Variants in TMEM131 observed in about 807,000 individuals in gnomAD.
The protein encoded by TMEM131 is 2610524E03Rik.
Under a neutral mutation model 211.6 loss-of-function variants are expected in TMEM131, and 66 were observed. That is an observed-to-expected ratio of 0.31 (90% confidence interval 0.26 to 0.38). The LOEUF (loss-of-function observed/expected upper bound fraction) is 0.38. TMEM131 is among the 10% of genes least tolerant of loss of function. TMEM131 has a pLI of 1.00. For synonymous variants in TMEM131, 844 were observed against 841.3 expected, an observed-to-expected ratio of 1.00 and a Z score of -0.06; for missense variants, 2,036 against 2,299.3, an observed-to-expected ratio of 0.89 and a Z score of 2.34.
intron 1 of TMEM131, among the ~76,000 whole-genome samples, chr2:97,989,418 C>T (rs1365712916): frequency 6.6e-6 from 1 of 151,940 alleles, no homozygotes; most frequent in Non-Finnish European, 1.5e-5. Flanking sequence ...AATTCATAAA[C>T]ACAGAAAGTA....
intron 1 of TMEM131, among the ~76,000 whole-genome samples, chr2:97,974,686 C>T (rs1188135266): frequency 6.6e-6 from 1 of 150,524 alleles, no homozygotes; most frequent in African/African-American, 2.4e-5. Flanking sequence ...AGTGGGAAGA[C>T]AGTATCTCTT....
At chr2:97,827,879 A>AT (rs1283287271) in intron 11 of TMEM131, among the ~76,000 whole-genome samples, 1 of 152,156 alleles carries the variant, frequency 6.6e-6, no homozygotes, top group African/African-American at 2.4e-5. Context: ...AGCATATTAA[A>AT]TGGCAATATG....
At chr2:97,801,395 A>G (rs1381555266) in intron 25 of TMEM131, among the ~76,000 whole-genome samples, 1 of 152,254 alleles carries the variant, frequency 6.6e-6, no homozygotes, top group Non-Finnish European at 1.5e-5. Flanking sequence ...TCCTAGAACA[A>G]ACCAGTTTAT....
Position 97,796,822 on chromosome 2 carries a change from T to A in TMEM131, c.3013+22A>T, listed in dbSNP as rs775232269. ...AAGCAAATGCTGAAATTAGTGTCCT[T>A]GAAACTGTTAGGAAGACTTACTATC... On this transcript the variant is annotated intron_variant, in intron 27 of 40. Transcript: ENST00000186436. 3 of 1,605,268 alleles carry A rather than the reference T, an allele frequency of 1.9e-6. No homozygotes were observed. In the Admixed American group the frequency reaches 5.1e-5, roughly 28 times the overall value.
At chr2:97,816,315 T>C (rs1681826379) in intron 12 of TMEM131, among the ~76,000 whole-genome samples, 1 of 152,088 alleles carries the variant, frequency 6.6e-6, no homozygotes, top group South Asian at 2.1e-4. Flanking sequence ...CACTCCAGCC[T>C]GGGCAACAAA....
chr2:97,815,933 A>G (rs1681806925), intron 12 of TMEM131, among the ~76,000 whole-genome samples: 1 of 152,206 alleles, frequency 6.6e-6, no homozygotes, highest in Admixed American at 6.5e-5. Flanking sequence ...AGCTCTTCTC[A>G]AAAACCAGCC....
chr2:97,986,188 G>T (rs1680020683), intron 1 of TMEM131, among the ~76,000 whole-genome samples: 1 of 152,150 alleles, frequency 6.6e-6, no homozygotes, highest in Admixed American at 6.6e-5. Context: ...TTAAAACAAC[G>T]TGACAACTTT....
chr2:97,965,740 C>A (rs1679029274), intron 1 of TMEM131, among the ~76,000 whole-genome samples: 1 of 110,692 alleles, frequency 9.0e-6, no homozygotes, highest in South Asian at 2.4e-4. Context: ...TCCTAAAAAT[C>A]TGAAGAAATT....
At chr2:97,902,847 C>T (rs966750933) in intron 3 of TMEM131, among the ~76,000 whole-genome samples, 2 of 152,104 alleles carry the variant, frequency 1.3e-5, no homozygotes, top group Admixed American at 1.3e-4. Flanking sequence ...ATGGGCCTAG[C>T]CTCCAAGCCT....
chr2:97,931,640 T>C (rs776143054), intron 1 of TMEM131, among the ~76,000 whole-genome samples: 11 of 152,148 alleles, frequency 7.2e-5, no homozygotes, highest in Admixed American at 3.3e-4. Flanking sequence ...GGAACCTAGG[T>C]TGTCATTGCA....
intron 1 of TMEM131, among the ~76,000 whole-genome samples, chr2:97,949,065 T>C (rs986848449): frequency 2.6e-5 from 4 of 152,178 alleles, no homozygotes; most frequent in African/African-American, 7.2e-5. Context: ...GACTTGTACA[T>C]GAATATTTAG....
At chr2:97,872,400 G>C (rs187662755) in intron 4 of TMEM131, among the ~76,000 whole-genome samples, 4 of 152,054 alleles carry the variant, frequency 2.6e-5, no homozygotes, top group Non-Finnish European at 5.9e-5. Flanking sequence ...CTTCTCTCTC[G>C]GAGCTAGTGA....
At chr2:97,827,144 C>A in intron 11 of TMEM131, 16 of 465,264 alleles carry the variant, frequency 3.4e-5, no homozygotes, top group East Asian at 4.3e-5. Flanking sequence ...TAAAAGTTAA[C>A]AGTGTTGGGG....
intron 4 of TMEM131, among the ~76,000 whole-genome samples, chr2:97,861,456 T>C (rs994580518): frequency 6.6e-6 from 1 of 151,540 alleles, no homozygotes; most frequent in African/African-American, 2.4e-5. Flanking sequence ...CACAGCAGGA[T>C]AGGGCTGCTG....
At chr2:97,804,970 G>T in intron 22 of TMEM131, 118 bp downstream of exon 22, 1 of 654,810 alleles carries the variant, frequency 1.5e-6, no homozygotes, top group Non-Finnish European at 2.4e-6. Flanking sequence ...TGAAAATTAG[G>T]CATTCTTTCT....
At chr2:97,891,523 T>C (rs1002636586) in intron 3 of TMEM131, among the ~76,000 whole-genome samples, 9 of 152,134 alleles carry the variant, frequency 5.9e-5, no homozygotes, top group African/African-American at 1.2e-4. Flanking sequence ...AAAATCTTAT[T>C]TATATGGAGA....
intron 3 of TMEM131, among the ~76,000 whole-genome samples, chr2:97,891,258 A>AATT: frequency 6.6e-6 from 1 of 152,148 alleles, no homozygotes; most frequent in South Asian, 2.1e-4. Context: ...TGATTTTTAA[A>AATT]ATTATTATTA....
At chr2:97,921,699 CA>C (rs1242854442) in intron 2 of TMEM131, among the ~76,000 whole-genome samples, 1 of 151,978 alleles carries the variant, frequency 6.6e-6, no homozygotes, top group African/African-American at 2.4e-5. Flanking sequence ...AGAACCTCTA[CA>C]AAACAATGGG....
chr2:97,895,354 G>C (rs1279845514), intron 3 of TMEM131, among the ~76,000 whole-genome samples: 14 of 152,118 alleles, frequency 9.2e-5, no homozygotes, highest in Admixed American at 9.2e-4. Flanking sequence ...GTCTCTGCCA[G>C]GTTTTGGATC....
Sources: gnomAD v4.1 joint callset for allele counts (sites outside exome capture counted in the v4.1 genomes callset) on GRCh38, gnomAD v4.1.1 for gene constraint, MANE v1.5 for transcripts, NCBI Gene and HGNC (gene_info 2026-07-23, HGNC 2026-07-21) for gene names.